KRT7: variants seen among roughly 807,000 people sequenced by gnomAD.
The protein encoded by KRT7 is keratin 7.
KRT7 carries 50 observed loss-of-function variants against 42.8 expected under a neutral mutation model. The ratio of observed to expected loss-of-function variants is 1.17; its 90% CI spans 0.93 to 1.48. The LOEUF is 1.48. Ranked by LOEUF, KRT7 falls within the 40% of genes most tolerant of loss-of-function variation. KRT7 has a pLI of 0.00. For synonymous variants in KRT7, 268 were observed against 266.3 expected (o/e 1.01, Z -0.06); for missense variants, 588 against 637.6 (o/e 0.92, Z 0.84).
At chr12:52,255,054 G>A (rs149762048), downstream of KRT7, among the ~76,000 whole-genome samples, 2 of 152,362 alleles carry the variant, frequency 1.3e-5, no homozygotes, top group East Asian at 1.9e-4. Flanking sequence ...GCGCAGGGCC[G>A]AAGGAGGTGA....
At chr12:52,240,399 G>T (rs530170151) in intron 4 of KRT7, among the ~76,000 whole-genome samples, 6 of 152,270 alleles carry the variant, frequency 3.9e-5, no homozygotes, top group Non-Finnish European at 7.4e-5. Context: ...GGAGGCCGAG[G>T]TGAGTGGATC....
Position 52,243,182 on chromosome 12 carries a change from G to C in KRT7, c.984+45G>C, listed in dbSNP as rs535058250. On this transcript the variant is annotated intron_variant, in intron 6 of 8. Coordinates refer to ENST00000331817, the MANE Select transcript of KRT7 (RefSeq NM_005556.4). ...CTTCCCCTGCTACTTGGGGCATGCAGGGGTGGCCAGCTGAGGCCAAACTCA... is the reference window on the plus strand; with the variant it reads ...CTTCCCCTGCTACTTGGGGCATGCACGGGTGGCCAGCTGAGGCCAAACTCA... 50 of 1,575,778 alleles carry C rather than the reference G, an allele frequency of 3.2e-5. 3 individuals carry two copies. In the South Asian group the frequency reaches 5.8e-4, roughly 18 times the overall value.
Position 52,248,858 on chromosome 12 carries a change from T to A in KRT7, c.*98T>A. 2 of 1,215,842 alleles carry A rather than the reference T, an allele frequency of 1.6e-6. No individual in the cohort carries two copies. The highest frequency in any genetic ancestry group is 2.2e-6 in the Non-Finnish European group (2 of 912,088). The allele number at this position is 1,215,842 out of a possible 1,614,324, so 75.3% of individuals were successfully genotyped here. ...GCCTGGTCCCAAGACAGTGAGACAGTCTGGAAAGTGATGTCAGAATAGCTT... is the reference window on the plus strand; with the variant it reads ...GCCTGGTCCCAAGACAGTGAGACAGACTGGAAAGTGATGTCAGAATAGCTT... On this transcript the variant is annotated 3_prime_UTR_variant, in exon 9 of 9. Transcript: ENST00000331817.
chr12:52,252,560 T>C (rs1013934250), downstream of KRT7: 189 of 1,526,736 alleles, frequency 1.2e-4, 1 homozygote, highest in Admixed American at 2.3e-4. Context: ...GACCACTGAC[T>C]AGCAGAAGAA....
rs1941999077 is a variant in KRT7, at chr12:52,235,357, TCAAGAATAAGTAA to T, written c.528_536+4del. On this transcript the variant is annotated splice_donor_variant and splice_donor_region_variant and coding_sequence_variant and intron_variant, in exon 2 of 9. Transcript: ENST00000331817. LOFTEE classifies it high-confidence loss of function. ...AGCATGCAGGATGTGGTGGAGGACT[TCAAGAATAAGTAA>T]TGCCCCCTGTGCCACATGCGAAGAC... 2.5e-6 allele frequency: 4 copies of T among 1,609,810 alleles called. No homozygotes were observed. The African/African-American group carries it at 5.3e-5, about 21-fold the overall frequency.
At chr12:52,254,040 A>G (rs1238973853), downstream of KRT7, among the ~76,000 whole-genome samples, 1 of 152,124 alleles carries the variant, frequency 6.6e-6, no homozygotes, top group African/African-American at 2.4e-5. Context: ...TGGGTCTAGG[A>G]CCAGAGTTTA....
At chr12:52,250,282 T>C (rs1222007106), downstream of KRT7, among the ~76,000 whole-genome samples, 1 of 152,140 alleles carries the variant, frequency 6.6e-6, no homozygotes, top group African/African-American at 2.4e-5. Context: ...AGCCCTGTGC[T>C]CTCGGAAGCA....
intron 7 of KRT7, chr12:52,246,612 AGAG>A: frequency 6.6e-6 from 1 of 152,356 alleles, no homozygotes; most frequent in Non-Finnish European, 1.5e-5. Flanking sequence ...TAGGAGGCGG[AGAG>A]GAGGAGGAAG....
intron 6 of KRT7, 36 bp from the exon 7 acceptor site, chr12:52,245,373 CTGG>C: frequency 1.9e-6 from 3 of 1,603,176 alleles, no homozygotes; most frequent in Non-Finnish European, 2.6e-6. Flanking sequence ...GGAAGGCAGA[CTGG>C]TGAGCCCCAG....
downstream of KRT7, chr12:52,254,268 C>G (rs542094800): frequency 1.1e-6 from 1 of 932,904 alleles, no homozygotes; most frequent in Non-Finnish European, 1.7e-6. Context: ...TGACCCCGCA[C>G]CTCCTCATAT....
At chr12:52,242,878 G>T in intron 5 of KRT7, 134 bp from the exon 6 acceptor site, 1 of 1,025,832 alleles carries the variant, frequency 9.7e-7, no homozygotes, top group Non-Finnish European at 1.4e-6. Context: ...CCTGGCATCG[G>T]GCAAAGGTTG....
At chr12:52,251,785 A>C (rs1432872847), downstream of KRT7, 1 of 357,112 alleles carries the variant, frequency 2.8e-6, no homozygotes, top group Non-Finnish European at 5.5e-6. Flanking sequence ...AGAGTCTGCA[A>C]ACTACGGCCA....
downstream of KRT7, chr12:52,253,819 TA>T: frequency 1.8e-6 from 1 of 552,722 alleles, no homozygotes; most frequent in Non-Finnish European, 3.5e-6. Flanking sequence ...CTACTCTTGG[TA>T]GCCCACCCTC....
At chr12:52,235,462 G>A (rs1468389106) in intron 2 of KRT7, 96 bp downstream of exon 2, 2 of 1,028,256 alleles carry the variant, frequency 1.9e-6, no homozygotes, top group African/African-American at 3.2e-5. Flanking sequence ...TCAGGAATCA[G>A]CATGCAGCTG....
downstream of KRT7, chr12:52,252,242 C>T: frequency 6.2e-7 from 1 of 1,613,798 alleles, no homozygotes; most frequent in Non-Finnish European, 8.5e-7. Flanking sequence ...GGACACCCTC[C>T]CCACAGCTGT....
chr12:52,233,718 G>A (rs1234161875), intron 1 of KRT7, 98 bp downstream of exon 1: 155 of 1,185,186 alleles, frequency 1.3e-4, no homozygotes, highest in Non-Finnish European at 7.3e-5. Flanking sequence ...GCGCTGGGGA[G>A]CACTGCCGCC....
At chr12:52,254,993 T>C (rs1015698846), downstream of KRT7, among the ~76,000 whole-genome samples, 7 of 152,202 alleles carry the variant, frequency 4.6e-5, no homozygotes, top group African/African-American at 1.7e-4. Context: ...TGTCTATAAT[T>C]CACCTGCTCT....
At chr12:52,239,437 A>G (rs558672274) in intron 4 of KRT7, among the ~76,000 whole-genome samples, 1 of 152,322 alleles carries the variant, frequency 6.6e-6, no homozygotes, top group African/African-American at 2.4e-5. Context: ...TGTCTTGGAA[A>G]TGGACCATTA....
chr12:52,241,912 A>G, intron 5 of KRT7: 1 of 238,830 alleles, frequency 4.2e-6, no homozygotes, highest in Non-Finnish European at 8.0e-6. Context: ...AATCCACAGA[A>G]CAGCCCTATT....
Sources: allele counts gnomAD v4.1 joint callset (sites outside exome capture counted in the v4.1 genomes callset), GRCh38; gene constraint gnomAD v4.1.1; transcripts MANE v1.5; gene names NCBI Gene and HGNC (gene_info 2026-07-23, HGNC 2026-07-21).